Variants in LRRC40 observed in about 807,000 individuals in gnomAD.
LRRC40 encodes leucine rich repeat containing 40, also known as leucine-rich repeat-containing protein 40.
LRRC40 carries 76 observed loss-of-function variants against 72.8 expected under a neutral mutation model. The observed-to-expected ratio is 1.04, with a 90% CI of 0.87 to 1.26. LRRC40 has a LOEUF of 1.26. LRRC40 is among the 50% of genes most tolerant of loss of function. The pLI is 0.00. For missense variants in LRRC40, 684 were observed against 698.9 expected (o/e 0.98, Z 0.24); for synonymous variants, 243 against 254.2 (o/e 0.96, Z 0.42).
intron 4 of LRRC40, among the ~76,000 whole-genome samples, chr1:70,183,826 T>C (rs1050103822): frequency 1.3e-5 from 2 of 152,180 alleles, no homozygotes; most frequent in African/African-American, 4.8e-5. Context: ...AGTGACAGAA[T>C]TACAGGCACG....
At chr1:70,146,895 ATTATTT>A (rs1434326634) in intron 14 of LRRC40, 4 of 152,256 alleles carry the variant, frequency 2.6e-5, no homozygotes, top group East Asian at 3.9e-4. Context: ...AGGCTTTTTT[ATTATTT>A]TTAACAGTTA....
intron 10 of LRRC40, among the ~76,000 whole-genome samples, chr1:70,156,052 A>G (rs576217806): frequency 6.6e-6 from 1 of 152,144 alleles, no homozygotes; most frequent in Non-Finnish European, 1.5e-5. Context: ...GAATAAAAAT[A>G]GATATTTATC....
chr1:70,175,697 T>A, intron 7 of LRRC40, 113 bp downstream of exon 7: 1 of 712,078 alleles, frequency 1.4e-6, no homozygotes, highest in Non-Finnish European at 2.2e-6. Context: ...AATCAATATT[T>A]AGTGAATTCA....
intron 14 of LRRC40, chr1:70,147,281 C>G (rs1348146185): frequency 6.6e-6 from 1 of 152,112 alleles, no homozygotes; most frequent in Non-Finnish European, 1.5e-5. Context: ...TTTAGTGCCA[C>G]GCTTTTCAAA....
chr1:70,167,230 T>TTA (rs1667900247), intron 9 of LRRC40, among the ~76,000 whole-genome samples: 1 of 126,938 alleles, frequency 7.9e-6, no homozygotes, highest in South Asian at 2.4e-4. Context: ...TAAAAAGTGT[T>TTA]AAAAAAAAAA....
intron 14 of LRRC40, among the ~76,000 whole-genome samples, chr1:70,146,484 T>C (rs1238409970): frequency 1.3e-5 from 2 of 152,210 alleles, no homozygotes; most frequent in Non-Finnish European, 2.9e-5. Flanking sequence ...AATCCTATGA[T>C]GTAAGTACCA....
chr1:70,192,065 G>A (rs1002671967), intron 1 of LRRC40, among the ~76,000 whole-genome samples: 17 of 152,228 alleles, frequency 1.1e-4, no homozygotes, highest in African/African-American at 4.1e-4. Context: ...TGGGGAGTAT[G>A]ACCATTTTAA....
chr1:70,160,081 A>AT (rs370484466), intron 9 of LRRC40, among the ~76,000 whole-genome samples: 1 of 152,166 alleles, frequency 6.6e-6, no homozygotes, highest in Non-Finnish European at 1.5e-5. Context: ...TGGTATACAT[A>AT]TTTTTTTAAA....
At chr1:70,163,833 GTAAT>G (rs1234551572) in intron 9 of LRRC40, among the ~76,000 whole-genome samples, 2 of 152,300 alleles carry the variant, frequency 1.3e-5, no homozygotes, top group Non-Finnish European at 2.9e-5. Context: ...ATCAAATAAA[GTAAT>G]TAAGCTTAAT....
At chr1:70,176,723 T>C (rs1162499281) in intron 6 of LRRC40, among the ~76,000 whole-genome samples, 1 of 152,042 alleles carries the variant, frequency 6.6e-6, no homozygotes, top group East Asian at 1.9e-4. Flanking sequence ...ATATAAATTT[T>C]TTTCAGAAAA....
In LRRC40 at chr1:70,159,360, G is replaced by A. The variant is rs775757019; in HGVS notation, c.1190C>T (p.Ala397Val). ...LPSESRVNIH[A>V]IITLKILDYS... is the part of the protein sequence containing the mutation. The stretch of plus-strand genomic sequence containing the variant: ...GTCTAATATTTTTAATGTAATGATG[G>A]CATGTATATTGACTCTGGATTCACT... Residue 397 changes from alanine (A) to valine (V), a missense_variant, in exon 10 of 15, where the codon GCC (alanine) becomes GTC (valine). Physicochemically the swap from Ala to Val is moderately conservative, Grantham distance 64. Transcript: ENST00000370952. 3 of 1,542,536 alleles carry A rather than the reference G, an allele frequency of 1.9e-6. No homozygotes were observed. Among genetic ancestry groups the A allele is most frequent in the South Asian group, 2.4e-5 (2 of 84,252 alleles).
intron 1 of LRRC40, among the ~76,000 whole-genome samples, chr1:70,203,183 C>T (rs1386284849): frequency 6.6e-6 from 1 of 152,086 alleles, no homozygotes; most frequent in African/African-American, 2.4e-5. Context: ...GCATGAGCTA[C>T]TATCATTATC....
chr1:70,151,142 A>T lies in LRRC40; in HGVS notation c.1503T>A (p.Asn501Lys), dbSNP rs757925232. Reference protein sequence around the residue: ...MESLVRLQTINLSFNRFKMLP... With the variant: ...MESLVRLQTIKLSFNRFKMLP... The stretch of plus-strand genomic sequence containing the variant: ...TGTTCTCTTACCTATTAAAGGAAAG[A>T]TTGATCGTTTGCAGTCTTACCAGTG... Residue 501 changes from asparagine to lysine, a missense_variant, in exon 13 of 15, where the codon AAT becomes AAA. Asn to Lys is a moderately conservative substitution (Grantham distance 94). Transcript: ENST00000370952. 1.9e-6 allele frequency: 3 copies of T among 1,561,632 alleles called. No homozygotes were observed. In the Admixed American group the frequency reaches 5.0e-5, roughly 26 times the overall value.
chr1:70,177,817 T>C lies in LRRC40; in HGVS notation c.804+1034A>G, dbSNP rs1000784854. 2.0e-5 allele frequency among the ~76,000 whole-genome samples: 3 copies of C among 152,198 alleles called. No homozygotes were observed. The South Asian group carries it at 6.2e-4, about 32-fold the overall frequency. ...TTAGGTTTGAACTGCACAGGTCCACTTATATGTGGATTTCCTTCCACCTCT... is the reference window on the plus strand; with the variant it reads ...TTAGGTTTGAACTGCACAGGTCCACCTATATGTGGATTTCCTTCCACCTCT... On this transcript the variant is annotated intron_variant, in intron 6 of 14. Coordinates refer to ENST00000370952, the MANE Select transcript of LRRC40 (RefSeq NM_017768.5).
intron 12 of LRRC40, 26 bp downstream of exon 12, chr1:70,152,407 A>T (rs1667522996): frequency 8.7e-7 from 1 of 1,144,866 alleles, no homozygotes; most frequent in Admixed American, 1.9e-5. Flanking sequence ...CTTTTTAAAA[A>T]GTCAAGCAAT....
At position 70,173,509 on chromosome 1, in the gene LRRC40, T is replaced by C; in HGVS notation, c.1067A>G (p.Lys356Arg). 1.2e-6 allele frequency: 2 copies of C among 1,607,640 alleles called. No homozygotes were observed. Among genetic ancestry groups the C allele is most frequent in the South Asian group, 1.1e-5 (1 of 90,796 alleles). Reference protein sequence around the residue: ...LRTIRREIISKGTQEVLKYLR... With the variant: ...LRTIRREIISRGTQEVLKYLR... ...ATATTTTAGGACTTCTTGTGTTCCT[T>C]TCTAGAAGGGTGGAGACAAAGACAT... is the stretch of plus-strand genomic sequence containing the variant. The change falls in exon 9 of 15, where the codon AAA (lysine) becomes AGA (arginine). Residue 356 changes from lysine to arginine, a missense_variant and splice_region_variant. Transcript: ENST00000370952.
rs1271128600 is a variant in LRRC40 at position 70,145,708 on chromosome 1, C to T, written c.*92G>A. 2 of 649,122 alleles carry T rather than the reference C, an allele frequency of 3.1e-6. No individual in the cohort carries two copies. Among genetic ancestry groups the T allele is most frequent in the Admixed American group, 2.5e-5 (1 of 40,728 alleles). The allele number at this position is 649,122 out of a possible 1,614,324, so 40.2% of individuals were successfully genotyped here. ...ACTACAAGATCAATTACAATAATCA[C>T]CTTTTAAGATGATACTAAAACAAAT... On this transcript the variant is annotated 3_prime_UTR_variant, in exon 15 of 15. Coordinates refer to ENST00000370952, the MANE Select transcript of LRRC40 (RefSeq NM_017768.5).
intron 9 of LRRC40, among the ~76,000 whole-genome samples, chr1:70,159,954 A>G (rs17131236): frequency 0.19 from 29,001 of 152,130 alleles, 3,108 homozygotes; most frequent in East Asian, 0.41. Flanking sequence ...TTTTTTCTTA[A>G]CAAATGCAAG....
intron 1 of LRRC40, 51 bp downstream of exon 1, chr1:70,205,339 C>T (rs372959221): frequency 5.5e-5 from 82 of 1,489,616 alleles, no homozygotes; most frequent in Non-Finnish European, 7.2e-5. Flanking sequence ...GTTGCCTGGG[C>T]CAAAGGCTTT....
Sources: allele counts gnomAD v4.1 joint callset (sites outside exome capture counted in the v4.1 genomes callset), GRCh38; gene constraint gnomAD v4.1.1; transcripts MANE v1.5; gene names NCBI Gene and HGNC (gene_info 2026-07-23, HGNC 2026-07-21).